FEZ1: variants seen among roughly 807,000 people sequenced by gnomAD.
FEZ1 encodes the protein fasciculation and elongation protein zeta 1.
A neutral mutation model predicts 49.3 loss-of-function variants in FEZ1; 20 were observed. That is an observed-to-expected ratio of 0.41 (90% confidence interval 0.29 to 0.59). FEZ1 has a LOEUF of 0.59. Among genes scored for constraint, FEZ1 ranks in the 20% least tolerant of loss-of-function variants. The pLI is 0.36. For synonymous variants in FEZ1, 170 were observed against 180.9 expected (o/e 0.94, Z 0.48); for missense variants, 413 against 476.0 (o/e 0.87, Z 1.23).
At chr11:125,484,081 G>A (rs1259720068) in intron 2 of FEZ1, among the ~76,000 whole-genome samples, 1 of 152,078 alleles carries the variant, frequency 6.6e-6, no homozygotes, top group Non-Finnish European at 1.5e-5. Context: ...TTATAAACAA[G>A]CTTTAAGATA....
At chr11:125,462,129 A>G (rs966356994) in intron 4 of FEZ1, among the ~76,000 whole-genome samples, 4 of 152,206 alleles carry the variant, frequency 2.6e-5, no homozygotes, top group Non-Finnish European at 5.9e-5. Flanking sequence ...TTTCTATCAC[A>G]GATATGAAAA....
chr11:125,472,573 G>T (rs1349266455), intron 3 of FEZ1, among the ~76,000 whole-genome samples: 1 of 152,038 alleles, frequency 6.6e-6, no homozygotes, highest in Non-Finnish European at 1.5e-5. Flanking sequence ...ATTTGTAACT[G>T]AAAATCTTCC....
intron 2 of FEZ1, chr11:125,481,899 G>A: frequency 4.1e-6 from 2 of 493,268 alleles, no homozygotes; most frequent in African/African-American, 1.9e-5. Flanking sequence ...GATACAAATG[G>A]CAGCATCTAT....
In FEZ1 at chr11:125,494,965, C is replaced by G. The variant is rs572372278; in HGVS notation, c.-46+1156G>C. The stretch of plus-strand genomic sequence containing the variant: ...ATCAACTGATTCCGTGCCTCGTCCC[C>G]CATATCCGTCCCTAAAACCTACCCT... On this transcript the variant is annotated intron_variant, in intron 1 of 9. Transcript: ENST00000278919. 9.8e-5 allele frequency among the ~76,000 whole-genome samples: 15 copies of G among 152,314 alleles called. 1 individual carries two copies. The highest frequency in any genetic ancestry group is 3.1e-4 in the African/African-American group (13 of 41,582).
chr11:125,452,613 A>G, intron 7 of FEZ1: 1 of 538,186 alleles, frequency 1.9e-6, no homozygotes, highest in Non-Finnish European at 3.3e-6. Flanking sequence ...ATTTCTCTCC[A>G]TCCCAACTTC....
chr11:125,462,695 C>T (rs1049092624), intron 4 of FEZ1, among the ~76,000 whole-genome samples: 4 of 152,182 alleles, frequency 2.6e-5, no homozygotes, highest in African/African-American at 9.6e-5. Flanking sequence ...GATGAAATCC[C>T]TTATCAAAAA....
chr11:125,450,620 C>T (rs1358565348), intron 8 of FEZ1, among the ~76,000 whole-genome samples: 2 of 152,144 alleles, frequency 1.3e-5, no homozygotes, highest in Non-Finnish European at 2.9e-5. Flanking sequence ...AGAGAGGCTT[C>T]ATAACCTACA....
intron 3 of FEZ1, among the ~76,000 whole-genome samples, chr11:125,481,314 A>T (rs1236979224): frequency 6.6e-6 from 1 of 151,846 alleles, no homozygotes; most frequent in East Asian, 1.9e-4. Context: ...TGCCTGGCTA[A>T]TTTTTTGTAT....
intron 6 of FEZ1, 53 bp from the exon 7 acceptor site, chr11:125,454,263 C>G: frequency 7.1e-7 from 1 of 1,417,670 alleles, no homozygotes; most frequent in Non-Finnish European, 9.9e-7. Context: ...ACACTGTCAC[C>G]ACACCCAGGG....
intron 4 of FEZ1, among the ~76,000 whole-genome samples, chr11:125,462,829 T>C (rs1957088983): frequency 6.6e-6 from 1 of 151,598 alleles, no homozygotes; most frequent in Admixed American, 6.6e-5. Flanking sequence ...TGAAACCTCA[T>C]CTCCACTAAA....
At chr11:125,455,810 G>A in intron 6 of FEZ1, 25 bp downstream of exon 6, 1 of 1,613,502 alleles carries the variant, frequency 6.2e-7, no homozygotes, top group African/African-American at 1.3e-5. Context: ...GAGGCACCCA[G>A]TCTTCCACCT....
chr11:125,480,859 G>T (rs1347542984), intron 3 of FEZ1, among the ~76,000 whole-genome samples: 1 of 152,042 alleles, frequency 6.6e-6, no homozygotes, highest in East Asian at 1.9e-4. Context: ...CTAACACAGT[G>T]AAACCACATC....
In FEZ1 at chr11:125,489,411, G is replaced by A. The variant is rs1957359437; in HGVS notation, c.311+56C>T. The A allele has an allele frequency of 1.3e-6, 2 of 1,539,448 alleles. No individual in the cohort carries two copies. Among genetic ancestry groups the A allele is most frequent in the Non-Finnish European group, 1.7e-6 (2 of 1,147,290 alleles). On this transcript the variant is annotated intron_variant, in intron 2 of 9. Coordinates refer to ENST00000278919, the MANE Select transcript of FEZ1 (RefSeq NM_005103.5). This position sits in a 1 kb window ranked among gnomAD's most constrained non-coding sequence, Gnocchi z 4.2. ...ACAGAAACCAGCACTATGTCAAGGA[G>A]ACAAGGACTACAGGGCTCTCGACTG...
chr11:125,460,638 T>C lies in FEZ1; in HGVS notation c.527A>G (p.Gln176Arg), dbSNP rs1240020675. The C allele has an allele frequency of 2.5e-6, 4 of 1,614,000 alleles. No individual in the cohort carries two copies. Among genetic ancestry groups the C allele is most frequent in the Middle Eastern group, 1.6e-4 (1 of 6,076 alleles). The change falls in exon 5 of 10, where the codon CAG (glutamine) becomes CGG (arginine). Residue 176 changes from glutamine to arginine, a missense_variant. Physicochemically the swap from Gln to Arg is conservative, Grantham distance 43. Coordinates refer to ENST00000278919, the MANE Select transcript of FEZ1 (RefSeq NM_005103.5). ...TTCTTCCTCAGGGTCTGGGGAGTTC[T>C]GCATCATTTCCTCAATCTCCTCAAT... Reference protein sequence around the residue: ...QVIEEIEEMMQNSPDPEEEEE... With the variant: ...QVIEEIEEMMRNSPDPEEEEE...
chr11:125,451,842 A>G, intron 8 of FEZ1, among the ~76,000 whole-genome samples: 1 of 152,218 alleles, frequency 6.6e-6, no homozygotes, highest in East Asian at 1.9e-4. Flanking sequence ...CACTTCCTGG[A>G]AGGAAAGCTG....
At chr11:125,488,629 A>C (rs1373592578) in intron 2 of FEZ1, 1 of 784,570 alleles carries the variant, frequency 1.3e-6, no homozygotes, top group Non-Finnish European at 1.5e-6. Context: ...GCAGTGAGCC[A>C]AAATTGTGCC....
intron 3 of FEZ1, among the ~76,000 whole-genome samples, chr11:125,467,895 G>T (rs1957146738): frequency 1.3e-5 from 2 of 152,052 alleles, no homozygotes; most frequent in South Asian, 4.1e-4. Flanking sequence ...CTCTTATCCA[G>T]ACAACCACTA....
Position 125,481,025 on chromosome 11 carries a change from C to T in FEZ1, c.411+509G>A, listed in dbSNP as rs12281383. On this transcript the variant is annotated intron_variant, in intron 3 of 9. Transcript: ENST00000278919. ...CTGCACTCCAGCCTGGGCAACAGAG[C>T]GAGATTCCATCTCAAAAAAAGAAAA... Among the ~76,000 whole-genome samples, 1,059 of 147,402 alleles carry T rather than the reference C, an allele frequency of 7.2e-3. 16 individuals are homozygous for T. Among genetic ancestry groups the T allele is most frequent in the African/African-American group, 0.024 (958 of 39,778 alleles).
At chr11:125,463,622 G>A (rs774197836) in intron 3 of FEZ1, 52 bp from the exon 4 acceptor site, 3 of 1,103,872 alleles carry the variant, frequency 2.7e-6, no homozygotes, top group South Asian at 2.5e-5. Flanking sequence ...GCAGAAGTGG[G>A]ATTGCCTCTA....
Sources: allele counts gnomAD v4.1 joint callset (sites outside exome capture counted in the v4.1 genomes callset), GRCh38; gene constraint gnomAD v4.1.1; non-coding constraint Gnocchi (gnomAD v3.1); transcripts MANE v1.5; gene names NCBI Gene and HGNC (gene_info 2026-07-23, HGNC 2026-07-21).